The following WRN variants were observed in gnomAD, a reference collection of about 807,000 sequenced individuals.
WRN encodes bifunctional 3'-5' exonuclease/ATP-dependent helicase WRN.
In WRN, 149 loss-of-function variants were observed where a neutral mutation model predicts 180.7. The observed-to-expected ratio is 0.82, with a 90% CI of 0.72 to 0.94. WRN has a LOEUF of 0.94. Ranked by LOEUF, WRN falls within the 40% of genes least tolerant of loss-of-function variation. WRN has a pLI of 0.00. For missense variants in WRN, 1,661 were observed against 1,700.1 expected (o/e 0.98, Z 0.40); for synonymous variants, 548 against 568.9 (o/e 0.96, Z 0.52).
At chr8:31,087,988 A>G in intron 12 of WRN, 68 bp downstream of exon 12, 3 of 1,574,182 alleles carry the variant, frequency 1.9e-6, no homozygotes, top group East Asian at 2.3e-5. Context: ...CTTAGGATCC[A>G]GTTTTGGATG....
chr8:31,069,906 G>A (rs1042422462), intron 7 of WRN, among the ~76,000 whole-genome samples: 2 of 152,058 alleles, frequency 1.3e-5, no homozygotes, highest in South Asian at 2.1e-4. Context: ...TTTGTTACAT[G>A]TGCAATTTTG....
intron 1 of WRN, among the ~76,000 whole-genome samples, chr8:31,057,886 A>G (rs1413560474): frequency 6.6e-6 from 1 of 152,170 alleles, no homozygotes; most frequent in African/African-American, 2.4e-5. Flanking sequence ...TAAAAAACTC[A>G]TTCTTAGGGA....
At chr8:31,161,838 CAAA>C (rs1157979302) in intron 33 of WRN, among the ~76,000 whole-genome samples, 8 of 97,804 alleles carry the variant, frequency 8.2e-5, no homozygotes, top group Admixed American at 1.2e-4. Flanking sequence ...GACTCTGTCT[CAAA>C]AAAAAAAAAA....
chr8:31,079,136 T>C (rs950640635), intron 8 of WRN, among the ~76,000 whole-genome samples: 2 of 152,182 alleles, frequency 1.3e-5, no homozygotes, highest in Non-Finnish European at 2.9e-5. Context: ...TTAGTGTGCT[T>C]TTAGTTTTTG....
At chr8:31,048,590 A>G (rs1259608918) in intron 1 of WRN, among the ~76,000 whole-genome samples, 1 of 152,220 alleles carries the variant, frequency 6.6e-6, no homozygotes, top group African/African-American at 2.4e-5. Context: ...ATAAAACCTC[A>G]ATGTGCAAGG....
At chr8:31,089,965 G>C (rs1813679246) in intron 13 of WRN, among the ~76,000 whole-genome samples, 1 of 151,802 alleles carries the variant, frequency 6.6e-6, no homozygotes. Flanking sequence ...TTATTAACGA[G>C]TTAAATATTT....
chr8:31,085,015 C>T, intron 10 of WRN, 151 bp from the exon 11 acceptor site: 1 of 448,102 alleles, frequency 2.2e-6, no homozygotes, highest in South Asian at 5.2e-5. Context: ...CCTTTTTTAT[C>T]TATCATATAA....
In WRN at chr8:31,154,874, C is replaced by A. The variant is rs540513905; in HGVS notation, c.3819+119C>A. 38 of 1,247,940 alleles carry A rather than the reference C, an allele frequency of 3.0e-5. No homozygotes were observed. The African/African-American group carries it at 4.4e-4, about 15-fold the overall frequency. 77.3% of individuals were successfully genotyped at this position (1,247,940 alleles called of 1,614,324 possible). ...AATTTCCTCCAACCCTACAATAAAT[C>A]TCAGTTTATCTTTAATTTTAAAAGA... On this transcript the variant is annotated intron_variant, in intron 32 of 34. Coordinates refer to ENST00000298139, the MANE Select transcript of WRN (RefSeq NM_000553.6).
At chr8:31,169,407 TC>T (rs1358996721) in intron 34 of WRN, among the ~76,000 whole-genome samples, 2 of 151,998 alleles carry the variant, frequency 1.3e-5, no homozygotes, top group African/African-American at 2.4e-5. Flanking sequence ...ATAATTTTTT[TC>T]TTTTATTTCT....
intron 22 of WRN, 75 bp from the exon 23 acceptor site, chr8:31,124,833 C>G: frequency 7.1e-7 from 1 of 1,407,950 alleles, no homozygotes; most frequent in East Asian, 2.3e-5. Context: ...GTGATTTTAC[C>G]TCATTATTTT....
chr8:31,054,642 A>G (rs1812193352), intron 1 of WRN, among the ~76,000 whole-genome samples: 1 of 152,264 alleles, frequency 6.6e-6, no homozygotes, highest in African/African-American at 2.4e-5. Flanking sequence ...GGAAAAGTCC[A>G]AAGCAAATCA....
At chr8:31,051,597 G>A (rs1812079637) in intron 1 of WRN, among the ~76,000 whole-genome samples, 1 of 152,142 alleles carries the variant, frequency 6.6e-6, no homozygotes, top group Admixed American at 6.5e-5. Context: ...AATTTTGACA[G>A]ATAATCTCTT....
chr8:31,165,913 A>C (rs1803838456), intron 33 of WRN, among the ~76,000 whole-genome samples: 1 of 152,118 alleles, frequency 6.6e-6, no homozygotes, highest in South Asian at 2.1e-4. Flanking sequence ...GAGAGATGTG[A>C]TCATCACGTT....
chr8:31,108,407 C>G (rs191196424), intron 18 of WRN, among the ~76,000 whole-genome samples: 1 of 152,182 alleles, frequency 6.6e-6, no homozygotes, highest in African/African-American at 2.4e-5. Flanking sequence ...ATACCACATA[C>G]TTATAAGAGA....
chr8:31,064,475 G>T, intron 4 of WRN, 41 bp downstream of exon 4: 1 of 1,612,944 alleles, frequency 6.2e-7, no homozygotes, highest in Non-Finnish European at 8.5e-7. Context: ...GCTGATAATT[G>T]TAATATGTCA....
intron 31 of WRN, 95 bp from the exon 32 acceptor site, chr8:31,154,527 CTT>C (rs1803295055): frequency 2.1e-6 from 3 of 1,414,762 alleles, no homozygotes; most frequent in African/African-American, 1.4e-5. Context: ...ATGGGTTTAA[CTT>C]GTGTTATTTT....
chr8:31,148,263 T>C (rs1005882733), intron 30 of WRN, among the ~76,000 whole-genome samples: 3 of 152,288 alleles, frequency 2.0e-5, no homozygotes, highest in East Asian at 1.9e-4. Flanking sequence ...TCCTCCTCCT[T>C]CTTAATGACA....
rs62506078 is a variant in WRN, at chr8:31,088,689, A to G, written c.1577-201A>G. Reference sequence around the variant, plus strand: ...CCTGGCAAAGTGTGAATCACAACAAAATTCTAATACTTAAAAGTAATCCAA... The same window carrying G: ...CCTGGCAAAGTGTGAATCACAACAAGATTCTAATACTTAAAAGTAATCCAA... On this transcript the variant is annotated intron_variant, in intron 12 of 34. Coordinates refer to ENST00000298139, the MANE Select transcript of WRN (RefSeq NM_000553.6). 3.4e-3 allele frequency among the ~76,000 whole-genome samples: 512 copies of G among 152,198 alleles called. 2 individuals are homozygous for G. The highest frequency in any genetic ancestry group is 5.2e-3 in the Non-Finnish European group (351 of 67,966).
intron 31 of WRN, among the ~76,000 whole-genome samples, chr8:31,151,913 A>C (rs1243864853): frequency 6.6e-6 from 1 of 151,816 alleles, no homozygotes; most frequent in African/African-American, 2.4e-5. Flanking sequence ...TTTTTTTTTA[A>C]ATTTTGAAGT....
Sources: allele counts gnomAD v4.1 joint callset (sites outside exome capture counted in the v4.1 genomes callset), GRCh38; gene constraint gnomAD v4.1.1; transcripts MANE v1.5; gene names NCBI Gene and HGNC (gene_info 2026-07-23, HGNC 2026-07-21).